Variants in OSBPL11 observed in about 807,000 individuals in gnomAD.
OSBPL11 encodes oxysterol binding protein like 11.
OSBPL11 carries 33 observed loss-of-function variants against 84.4 expected under a neutral mutation model. That is an observed-to-expected ratio of 0.39 (90% CI 0.30 to 0.52). OSBPL11 has a LOEUF of 0.52. OSBPL11 is among the 20% of genes least tolerant of loss of function. The probability of loss-of-function intolerance (pLI) is 0.72; values close to 1 mark genes in which losing one functional copy is unlikely to be tolerated. For synonymous variants in OSBPL11, 276 were observed against 310.2 expected, an observed-to-expected ratio of 0.89 and a Z score of 1.16; for missense variants, 736 against 901.1, an observed-to-expected ratio of 0.82 and a Z score of 2.35.
intron 5 of OSBPL11, among the ~76,000 whole-genome samples, chr3:125,572,391 G>A (rs759969560): frequency 1.3e-5 from 2 of 152,166 alleles, no homozygotes; most frequent in East Asian, 1.9e-4. Context: ...CTGTTGGGAA[G>A]GCATGATTAG....
intron 1 of OSBPL11, among the ~76,000 whole-genome samples, chr3:125,585,106 G>A (rs1488503273): frequency 1.3e-5 from 2 of 151,940 alleles, no homozygotes; most frequent in East Asian, 1.9e-4. Flanking sequence ...AACATCAATC[G>A]CTAAAAAGAT....
chr3:125,539,598 C>T (rs6762696), intron 10 of OSBPL11, among the ~76,000 whole-genome samples: 14,371 of 151,564 alleles, frequency 0.095, 1,409 homozygotes, highest in African/African-American at 0.25. Flanking sequence ...TACAGGTATG[C>T]GTCATCATGC....
intron 1 of OSBPL11, among the ~76,000 whole-genome samples, chr3:125,586,316 TGG>T (rs1199857940): frequency 6.6e-6 from 1 of 152,148 alleles, no homozygotes; most frequent in African/African-American, 2.4e-5. Flanking sequence ...CTCAAGAAAC[TGG>T]GTATATTTCT....
intron 11 of OSBPL11, among the ~76,000 whole-genome samples, chr3:125,535,990 T>C (rs1170831374): frequency 1.3e-5 from 2 of 151,288 alleles, no homozygotes; most frequent in Admixed American, 1.3e-4. Context: ...AAAAAATCAG[T>C]TGGGTGTGGT....
intron 4 of OSBPL11, among the ~76,000 whole-genome samples, chr3:125,577,681 T>A (rs887887652): frequency 1.3e-5 from 2 of 151,984 alleles, no homozygotes; most frequent in Non-Finnish European, 2.9e-5. Context: ...TACAAAAAAT[T>A]AGCCGGGCGT....
At chr3:125,533,976 G>A (rs1350307241) in intron 11 of OSBPL11, among the ~76,000 whole-genome samples, 5 of 152,130 alleles carry the variant, frequency 3.3e-5, no homozygotes, top group African/African-American at 1.2e-4. Flanking sequence ...ACAGGCACAT[G>A]CCATCACATC....
chr3:125,593,930 C>T (rs1001858181), intron 1 of OSBPL11, among the ~76,000 whole-genome samples: 5 of 152,176 alleles, frequency 3.3e-5, no homozygotes, highest in Admixed American at 3.3e-4. Flanking sequence ...CCCTACACTT[C>T]ATATATGAAA....
intron 9 of OSBPL11, among the ~76,000 whole-genome samples, chr3:125,551,273 G>A (rs1334809648): frequency 6.7e-6 from 1 of 150,076 alleles, no homozygotes; most frequent in Non-Finnish European, 1.5e-5. Flanking sequence ...TCAATGACAT[G>A]ATAAAATGAA....
chr3:125,548,733 A>G (rs1407737783), intron 9 of OSBPL11, among the ~76,000 whole-genome samples: 1 of 152,150 alleles, frequency 6.6e-6, no homozygotes, highest in Non-Finnish European at 1.5e-5. Context: ...CTCCCTCTTA[A>G]TAAATGCTCG....
chr3:125,568,256 C>G (rs1260085735), intron 5 of OSBPL11, among the ~76,000 whole-genome samples: 2 of 151,738 alleles, frequency 1.3e-5, no homozygotes, highest in Admixed American at 1.3e-4. Context: ...ACGGTGAAAC[C>G]CTGTCTCTAC....
intron 6 of OSBPL11, among the ~76,000 whole-genome samples, chr3:125,564,669 T>C (rs1281261859): frequency 2.0e-5 from 3 of 151,986 alleles, no homozygotes; most frequent in African/African-American, 7.3e-5. Context: ...TTTTTTTTTT[T>C]TTTGAGACAG....
Position 125,529,170 on chromosome 3 carries a change from T to C in OSBPL11, c.*1345A>G, listed in dbSNP as rs755569953. ...ACAACAGGTATGTTACACACACTGA[T>C]TGGAAGACCATATCAGAAAAAACAG... On this transcript the variant is annotated 3_prime_UTR_variant, in exon 13 of 13. Transcript: ENST00000296220. 5.2e-5 allele frequency: 8 copies of C among 152,620 alleles called. No homozygotes were observed. The highest frequency in any genetic ancestry group is 1.4e-4 in the African/African-American group (6 of 41,444). 9.5% of individuals were successfully genotyped at this position (152,620 alleles called of 1,614,324 possible).
At chr3:125,543,644 T>A (rs966540162) in intron 10 of OSBPL11, among the ~76,000 whole-genome samples, 1 of 152,082 alleles carries the variant, frequency 6.6e-6, no homozygotes, top group African/African-American at 2.4e-5. Context: ...CAAACACCTG[T>A]AATCCCAGCA....
intron 3 of OSBPL11, 84 bp from the exon 4 acceptor site, chr3:125,579,123 GA>G (rs1936381215): frequency 2.0e-6 from 2 of 1,004,258 alleles, no homozygotes; most frequent in African/African-American, 3.3e-5. Flanking sequence ...TCAGATCACT[GA>G]AAAGCAGATA....
chr3:125,580,204 G>A (rs1936401481), intron 2 of OSBPL11, among the ~76,000 whole-genome samples, 164 bp from the exon 3 acceptor site: 1 of 152,158 alleles, frequency 6.6e-6, no homozygotes, highest in Non-Finnish European at 1.5e-5. Context: ...TTTTCCAGCA[G>A]GGAAGATTAC....
rs529046323 is a variant in OSBPL11 at position 125,552,445 on chromosome 3, G to A, written c.1390C>T (p.Pro464Ser). ...GETFHCSWKM[P>S]KSEVASSVFS... is the part of the protein sequence containing the mutation. ...ACACTGGATGCTACCTCGCTTTTTG[G>A]CATCTTCCAGGAACAGTGAAATGTT... The change falls in exon 9 of 13, where the codon CCA (proline) becomes TCA (serine). Residue 464 changes from proline to serine, a missense_variant. Transcript: ENST00000296220. 52 of 1,614,134 alleles carry A rather than the reference G, an allele frequency of 3.2e-5. 1 individual carries two copies. In the South Asian group the frequency reaches 4.9e-4, roughly 15 times the overall value.
intron 9 of OSBPL11, 59 bp downstream of exon 9, chr3:125,552,122 C>CAT (rs900952124): frequency 3.0e-5 from 27 of 911,546 alleles, no homozygotes; most frequent in South Asian, 4.9e-5. Flanking sequence ...AAAAAAAATA[C>CAT]ATATATATAT....
chr3:125,559,617 A>T (rs1936045162), intron 8 of OSBPL11, among the ~76,000 whole-genome samples: 1 of 152,078 alleles, frequency 6.6e-6, no homozygotes, highest in Non-Finnish European at 1.5e-5. Flanking sequence ...CCTGACCTCA[A>T]GTGATCCGCC....
intron 11 of OSBPL11, among the ~76,000 whole-genome samples, chr3:125,536,760 C>G (rs1480812767): frequency 6.6e-6 from 1 of 152,092 alleles, no homozygotes; most frequent in Non-Finnish European, 1.5e-5. Flanking sequence ...GCTTGTAACT[C>G]AAAAAATTTT....
Sources: gnomAD v4.1 joint callset for allele counts (sites outside exome capture counted in the v4.1 genomes callset) on GRCh38, gnomAD v4.1.1 for gene constraint, MANE v1.5 for transcripts, NCBI Gene and HGNC (gene_info 2026-07-23, HGNC 2026-07-21) for gene names.